The following PRELID2 variants were observed in gnomAD, a reference collection of about 807,000 sequenced individuals.
PRELID2 encodes PRELI domain-containing protein 2.
PRELID2 carries 25 observed loss-of-function variants against 28.4 expected under a neutral mutation model. The observed-to-expected ratio is 0.88, with a 90% CI of 0.64 to 1.23. PRELID2 has a LOEUF of 1.23. Among genes scored for constraint, PRELID2 ranks in the 50% most tolerant of loss-of-function variants. The probability of loss-of-function intolerance (pLI) is 0.00; values close to 1 mark genes in which losing one functional copy is unlikely to be tolerated. For synonymous variants in PRELID2, 76 were observed against 71.6 expected (o/e 1.06, Z -0.31); for missense variants, 201 against 214.4 (o/e 0.94, Z 0.39).
At chr5:145,283,048 T>G in the PRELID2 span, among the ~76,000 whole-genome samples, 2 of 152,184 alleles carry the variant, frequency 1.3e-5, no homozygotes, top group African/African-American at 4.8e-5. Context: ...TCATTTTTCT[T>G]GCTGCCTCTT....
At chr5:145,277,961 G>A in the PRELID2 span, among the ~76,000 whole-genome samples, 1 of 152,114 alleles carries the variant, frequency 6.6e-6, no homozygotes, top group Admixed American at 6.6e-5. Flanking sequence ...TTCCATCTGA[G>A]TCTGCTTCCG....
the PRELID2 span, among the ~76,000 whole-genome samples, chr5:145,303,099 C>G: frequency 7.2e-5 from 11 of 152,198 alleles, no homozygotes; most frequent in Admixed American, 5.2e-4. Flanking sequence ...AGTTACTTTA[C>G]TTCTCTGAAC....
chr5:145,738,201 A>C lies in PRELID2; in HGVS notation n.70+26730T>G, dbSNP rs566132845. Among the ~76,000 whole-genome samples the C allele has an allele frequency of 2.6e-5, 4 of 152,288 alleles. No homozygotes were observed. In the East Asian group the frequency reaches 7.7e-4, roughly 29 times the overall value. On this transcript the variant is annotated intron_variant and non_coding_transcript_variant, in intron 1 of 2. Transcript: ENST00000510259. The stretch of plus-strand genomic sequence containing the variant: ...AACAACGTATTGCCCACCCTTCCCC[A>C]GCTGGAGTAATGTCACAATAACCGA...
At chr5:145,404,256 T>C in the PRELID2 span, among the ~76,000 whole-genome samples, 1 of 152,192 alleles carries the variant, frequency 6.6e-6, no homozygotes, top group South Asian at 2.1e-4. Context: ...GCAAGAAAGA[T>C]GGCTTATTTT....
At chr5:145,639,389 T>A (rs956819904) in intron 1 of PRELID2, among the ~76,000 whole-genome samples, 1 of 152,126 alleles carries the variant, frequency 6.6e-6, no homozygotes, top group Non-Finnish European at 1.5e-5. Context: ...ATCACAGAGG[T>A]CTAAGCATAG....
chr5:145,259,700 C>T, the PRELID2 span, among the ~76,000 whole-genome samples: 4 of 152,250 alleles, frequency 2.6e-5, no homozygotes, highest in African/African-American at 4.8e-5. Context: ...CTTTTACAGG[C>T]TCATAGGCAG....
chr5:145,683,924 T>C (rs1275679252), intron 1 of PRELID2, among the ~76,000 whole-genome samples: 1 of 152,136 alleles, frequency 6.6e-6, no homozygotes, highest in Non-Finnish European at 1.5e-5. Flanking sequence ...TGAGTTTTAA[T>C]AGCACTGCCT....
chr5:145,419,758 T>C, the PRELID2 span, among the ~76,000 whole-genome samples: 4 of 152,058 alleles, frequency 2.6e-5, no homozygotes, highest in Admixed American at 6.6e-5. Flanking sequence ...GTCAATTTTG[T>C]CTTTTGTTAC....
intron 1 of PRELID2, among the ~76,000 whole-genome samples, chr5:145,614,742 G>T (rs1753670031): frequency 1.3e-5 from 2 of 152,086 alleles, no homozygotes; most frequent in African/African-American, 2.4e-5. Flanking sequence ...AGTTGTTAGG[G>T]TTTTCAAGAT....
chr5:145,279,455 T>C, the PRELID2 span, among the ~76,000 whole-genome samples: 1 of 152,190 alleles, frequency 6.6e-6, no homozygotes, highest in Non-Finnish European at 1.5e-5. Flanking sequence ...CTTCTTAACC[T>C]GCATAGGCTT....
the PRELID2 span, among the ~76,000 whole-genome samples, chr5:145,400,879 A>T: frequency 6.6e-6 from 1 of 152,272 alleles, no homozygotes; most frequent in South Asian, 2.1e-4. Context: ...TAGGGCTATG[A>T]GGAACCTAAT....
rs367815483 is a variant in PRELID2, at chr5:145,699,560, T to C, written n.70+65371A>G. Among the ~76,000 whole-genome samples, 15 of 152,242 alleles carry C rather than the reference T, an allele frequency of 9.9e-5. 1 individual carries two copies. In the East Asian group the frequency reaches 2.7e-3, roughly 27 times the overall value. On this transcript the variant is annotated intron_variant and non_coding_transcript_variant, in intron 1 of 2. Transcript: ENST00000510259. ...ATGATTTGCATCTCTTCCCTGCTCA[T>C]TGACATTGATGAAATAGGAAAACCC...
chr5:145,746,099 T>C (rs6875843), intron 1 of PRELID2, among the ~76,000 whole-genome samples: 126,825 of 151,744 alleles, frequency 0.84, 53,285 homozygotes, highest in East Asian at 0.96. Context: ...ATGAAGAAAT[T>C]GCATCAACTA....
the PRELID2 span, among the ~76,000 whole-genome samples, chr5:145,342,305 C>T: frequency 6.6e-6 from 1 of 152,156 alleles, no homozygotes; most frequent in Non-Finnish European, 1.5e-5. Context: ...ATCATGAAAA[C>T]ACATGAAAAT....
chr5:145,753,524 A>AACCTC (rs1318353526), downstream of PRELID2, among the ~76,000 whole-genome samples: 3 of 152,190 alleles, frequency 2.0e-5, no homozygotes, highest in Non-Finnish European at 4.4e-5. Context: ...ACTTGAGGTA[A>AACCTC]AACACTAGAA....
intron 1 of PRELID2, among the ~76,000 whole-genome samples, chr5:145,525,325 A>C (rs1339840121): frequency 6.6e-6 from 1 of 152,182 alleles, no homozygotes; most frequent in East Asian, 1.9e-4. Context: ...GGTGAAAGAA[A>C]TCTCTAGGAG....
At chr5:145,667,741 C>T (rs1221667379) in intron 1 of PRELID2, among the ~76,000 whole-genome samples, 4 of 152,022 alleles carry the variant, frequency 2.6e-5, no homozygotes, top group Non-Finnish European at 4.4e-5. Flanking sequence ...AATCCTAGGT[C>T]TACATCTGTT....
At chr5:145,817,349 A>C (rs1754420581) in intron 4 of PRELID2, among the ~76,000 whole-genome samples, 2 of 143,782 alleles carry the variant, frequency 1.4e-5, no homozygotes, top group Non-Finnish European at 3.1e-5. Context: ...TGTCTATCAA[A>C]AAAGTAGTAG....
chr5:145,335,523 CTT>C, the PRELID2 span, among the ~76,000 whole-genome samples: 8 of 152,000 alleles, frequency 5.3e-5, no homozygotes, highest in Non-Finnish European at 1.2e-4. Flanking sequence ...CTGAAAACTT[CTT>C]GTGTTTTTCT....
Sources: gnomAD v4.1 joint callset for allele counts (sites outside exome capture counted in the v4.1 genomes callset) on GRCh38, gnomAD v4.1.1 for gene constraint, MANE v1.5 for transcripts, NCBI Gene and HGNC (gene_info 2026-07-23, HGNC 2026-07-21) for gene names.